Variants in LIMD1 observed in about 807,000 individuals in gnomAD.
LIMD1 encodes LIM domain containing 1, also known as LIM domain-containing protein 1.
In LIMD1, 23 loss-of-function variants were observed where a neutral mutation model predicts 58.4. The observed-to-expected ratio is 0.39, with a 90% CI of 0.28 to 0.56. The LOEUF (loss-of-function observed/expected upper bound fraction) is 0.56. Among genes scored for constraint, LIMD1 ranks in the 20% least tolerant of loss-of-function variants. LIMD1 has a pLI of 0.57. For synonymous variants in LIMD1, 334 were observed against 345.5 expected (o/e 0.97, Z 0.37); for missense variants, 838 against 855.5 (o/e 0.98, Z 0.25).
chr3:45,642,583 T>C (rs1264749532), intron 2 of LIMD1, among the ~76,000 whole-genome samples: 2 of 152,230 alleles, frequency 1.3e-5, no homozygotes, highest in African/African-American at 4.8e-5. Flanking sequence ...TTTATACACA[T>C]TTTTTAGAGT....
At chr3:45,642,957 G>T (rs1279465316) in intron 2 of LIMD1, among the ~76,000 whole-genome samples, 1 of 152,202 alleles carries the variant, frequency 6.6e-6, no homozygotes, top group Non-Finnish European at 1.5e-5. Flanking sequence ...ACCCCAGGCG[G>T]CCATGCCCCC....
intron 2 of LIMD1, among the ~76,000 whole-genome samples, chr3:45,657,136 C>G (rs7615783): frequency 0.034 from 5,161 of 152,252 alleles, 85 homozygotes; most frequent in African/African-American, 0.042. Context: ...TTCTGCCTCC[C>G]TGCTTCTCAG....
chr3:45,665,575 T>C (rs1697505116), intron 2 of LIMD1, 75 bp from the exon 3 acceptor site: 2 of 1,208,344 alleles, frequency 1.7e-6, no homozygotes, highest in Non-Finnish European at 2.4e-6. Context: ...AAGATTTTGC[T>C]TTTCACTTTT....
chr3:45,673,543 A>G, intron 6 of LIMD1, 38 bp downstream of exon 6: 2 of 1,495,614 alleles, frequency 1.3e-6, no homozygotes, highest in Admixed American at 3.3e-5. Context: ...AGGGGCTTCT[A>G]AGACATGAAT....
chr3:45,633,577 G>A (rs1258087648), intron 1 of LIMD1, among the ~76,000 whole-genome samples: 1 of 152,164 alleles, frequency 6.6e-6, no homozygotes, highest in African/African-American at 2.4e-5. Context: ...GAATTGGGAT[G>A]GTGAGTATGT....
At chr3:45,668,912 G>A (rs1389360053) in intron 4 of LIMD1, among the ~76,000 whole-genome samples, 2 of 152,152 alleles carry the variant, frequency 1.3e-5, no homozygotes, top group African/African-American at 4.8e-5. Flanking sequence ...AATCGCACTG[G>A]CCTCCCTCTG....
In LIMD1 at chr3:45,681,605, G is replaced by C. The variant is rs1044731149; in HGVS notation, c.*4546G>C. On this transcript the variant is annotated 3_prime_UTR_variant, in exon 8 of 8. Coordinates refer to ENST00000273317, the MANE Select transcript of LIMD1 (RefSeq NM_014240.3). ...CACGCAGTGGGCTGCATTACAAGAG[G>C]AACCCCCATGCTTAGGGGACCCTGG... 1.3e-5 allele frequency: 2 copies of C among 152,232 alleles called. No homozygotes were observed. Among genetic ancestry groups the C allele is most frequent in the African/African-American group, 4.8e-5 (2 of 41,454 alleles). 9.4% of individuals were successfully genotyped at this position (152,232 alleles called of 1,614,324 possible). A position where few individuals can be genotyped will look rare whatever the true frequency, so the allele number is the denominator to read the frequency against.
At chr3:45,676,507 T>C (rs1697674460) in intron 7 of LIMD1, among the ~76,000 whole-genome samples, 1 of 152,162 alleles carries the variant, frequency 6.6e-6, no homozygotes, top group Non-Finnish European at 1.5e-5. Flanking sequence ...CCTGTGTCCA[T>C]GTGTTCTCAT....
At chr3:45,622,744 C>T (rs1701638497) in intron 1 of LIMD1, among the ~76,000 whole-genome samples, 2 of 151,620 alleles carry the variant, frequency 1.3e-5, no homozygotes, top group African/African-American at 4.9e-5. Context: ...TCTTGGCTCA[C>T]TGCAACCTCC....
rs1054678815 is a variant in LIMD1, at chr3:45,621,848, A to C, written c.1409-14302A>C. 4.9e-4 allele frequency among the ~76,000 whole-genome samples: 75 copies of C among 152,012 alleles called. 1 individual carries two copies. Among genetic ancestry groups the C allele is most frequent in the African/African-American group, 1.8e-3 (74 of 41,374 alleles). On this transcript the variant is annotated intron_variant, in intron 1 of 7. Transcript: ENST00000273317. Reference sequence around the variant, plus strand: ...GGGAGGCTGAAGTGGGTGGATCAAAAAGTCAGGAGATCGAGACCATCCTGG... The same window carrying C: ...GGGAGGCTGAAGTGGGTGGATCAAACAGTCAGGAGATCGAGACCATCCTGG...
chr3:45,659,963 T>C (rs2578694), intron 2 of LIMD1, among the ~76,000 whole-genome samples: 123,268 of 152,202 alleles, frequency 0.81, 50,299 homozygotes, highest in African/African-American at 0.91. Context: ...TGAAAAAGCT[T>C]TCGTTTAATT....
intron 1 of LIMD1, among the ~76,000 whole-genome samples, chr3:45,613,461 A>G (rs1392593159): frequency 1.3e-5 from 2 of 152,290 alleles, no homozygotes; most frequent in African/African-American, 4.8e-5. Context: ...AAATTCAGCT[A>G]TGCTGTTGCA....
At chr3:45,605,473 T>C (rs1429773825) in intron 1 of LIMD1, among the ~76,000 whole-genome samples, 2 of 152,232 alleles carry the variant, frequency 1.3e-5, no homozygotes, top group Non-Finnish European at 2.9e-5. Context: ...GAATAATCAG[T>C]GTTAAGACTG....
At chr3:45,597,060 CTG>C (rs1701364242) in intron 1 of LIMD1, among the ~76,000 whole-genome samples, 1 of 151,696 alleles carries the variant, frequency 6.6e-6, no homozygotes. Context: ...CAGGGTTTCA[CTG>C]CGCTAGCCAG....
At chr3:45,597,102 C>G (rs905979143) in intron 1 of LIMD1, among the ~76,000 whole-genome samples, 1 of 152,056 alleles carries the variant, frequency 6.6e-6, no homozygotes, top group Non-Finnish European at 1.5e-5. Flanking sequence ...CCTCGTGATC[C>G]GCCCGCCTTG....
chr3:45,643,851 A>T (rs1701873924), intron 2 of LIMD1, among the ~76,000 whole-genome samples: 1 of 152,224 alleles, frequency 6.6e-6, no homozygotes, highest in Non-Finnish European at 1.5e-5. Context: ...TGGAATGTGT[A>T]AGTCAAGGCC....
intron 1 of LIMD1, among the ~76,000 whole-genome samples, chr3:45,614,768 G>GGT (rs1553643247): frequency 5.1e-5 from 7 of 137,526 alleles, no homozygotes; most frequent in East Asian, 2.0e-4. Context: ...ATTCCTGGGT[G>GGT]TTTTTTTTTT....
intron 1 of LIMD1, among the ~76,000 whole-genome samples, chr3:45,622,471 A>G (rs1473635962): frequency 6.6e-6 from 1 of 152,180 alleles, no homozygotes. Context: ...TAAGAGATGA[A>G]CAAATACAAT....
chr3:45,595,884 C>T lies in LIMD1; in HGVS notation c.1005C>T (p.Pro335=), dbSNP rs747728099. 1 of 1,614,248 alleles carries T rather than the reference C, an allele frequency of 6.2e-7. No individual in the cohort carries two copies. Among genetic ancestry groups the T allele is most frequent in the Admixed American group, 1.7e-5 (1 of 60,026 alleles). ...VMSKPNVDPQ[P]WFQDGPKSYL... ...CCAAACCCAATGTGGACCCCCAACC[C>T]TGGTTCCAGGATGGGCCCAAATCTT... The change falls in exon 1 of 8, where the codon CCC becomes CCT. Residue 335 remains proline, a synonymous_variant. Transcript: ENST00000273317.
Sources: allele counts gnomAD v4.1 joint callset (sites outside exome capture counted in the v4.1 genomes callset), GRCh38; gene constraint gnomAD v4.1.1; transcripts MANE v1.5; gene names NCBI Gene and HGNC (gene_info 2026-07-23, HGNC 2026-07-21).